Variants in PCNX2 observed in about 807,000 individuals in gnomAD.
PCNX2 encodes the protein pecanex 2, also known as pecanex-like protein 2.
Under a neutral mutation model 223.8 loss-of-function variants are expected in PCNX2, and 168 were observed. That is an observed-to-expected ratio of 0.75 (90% confidence interval 0.66 to 0.85). PCNX2 has a LOEUF of 0.85. PCNX2 is among the 40% of genes least tolerant of loss of function. The pLI is 0.00. For missense variants in PCNX2, 2,507 were observed against 2,675.5 expected (o/e 0.94, Z 1.39); for synonymous variants, 1,006 against 1,052.6 (o/e 0.96, Z 0.86).
In PCNX2 at chr1:233,262,287, A is replaced by G. The variant is rs1660096234; in HGVS notation, c.360-122T>C. 1.0e-5 allele frequency: 13 copies of G among 1,265,910 alleles called. No homozygotes were observed. In the South Asian group the frequency reaches 1.7e-4, roughly 17 times the overall value. 78.4% of individuals were successfully genotyped at this position (1,265,910 alleles called of 1,614,324 possible). ...CCATTTTGTTATATTCCTTACATAT[A>G]AATCTTTTTTTGTTGTTGTTAAGAG... On this transcript the variant is annotated intron_variant, in intron 2 of 33. Coordinates refer to ENST00000258229, the MANE Select transcript of PCNX2 (RefSeq NM_014801.4).
chr1:233,211,718 A>G (rs748679066), intron 12 of PCNX2: 239 of 946,462 alleles, frequency 2.5e-4, no homozygotes, highest in Non-Finnish European at 2.8e-4. Context: ...GGAGGCATGC[A>G]TGTGGCACTG....
chr1:233,048,687 C>T (rs1671900159), intron 25 of PCNX2, among the ~76,000 whole-genome samples: 1 of 151,964 alleles, frequency 6.6e-6, no homozygotes, highest in Admixed American at 6.6e-5. Flanking sequence ...ATTGAGACCC[C>T]AAAATCCATA....
rs1672699614 is a variant in PCNX2, at chr1:233,068,149, GA to G, written c.4077-10860del. 2.0e-5 allele frequency among the ~76,000 whole-genome samples: 3 copies of G among 152,288 alleles called. No homozygotes were observed. In the South Asian group the frequency reaches 6.2e-4, roughly 32 times the overall value. ...TATTAGAAACCATAGAGGTCAGGAAGAAATAGCACAATATGTTTTTAAGTGC... is the reference window on the plus strand; with the variant it reads ...TATTAGAAACCATAGAGGTCAGGAAGAATAGCACAATATGTTTTTAAGTGC... On this transcript the variant is annotated intron_variant, in intron 23 of 33. Transcript: ENST00000258229.
intron 21 of PCNX2, among the ~76,000 whole-genome samples, chr1:233,123,344 G>A (rs1026714660): frequency 1.2e-4 from 18 of 152,152 alleles, no homozygotes; most frequent in African/African-American, 3.1e-4. Context: ...CACTTTGGGA[G>A]GCCGAGGTGG....
intron 9 of PCNX2, among the ~76,000 whole-genome samples, chr1:233,232,096 T>A (rs1658096934): frequency 6.6e-6 from 1 of 152,200 alleles, no homozygotes; most frequent in Admixed American, 6.5e-5. Context: ...ATAAAACATA[T>A]TTTTTTAAAA....
chr1:232,986,148 T>A lies in PCNX2; in HGVS notation c.6184A>T (p.Ser2062Cys), dbSNP rs766021433. 2 of 1,570,932 alleles carry A rather than the reference T, an allele frequency of 1.3e-6. No individual in the cohort carries two copies. Among genetic ancestry groups the A allele is most frequent in the South Asian group, 1.2e-5 (1 of 85,394 alleles). Reference protein sequence around the residue: ...GGNTSDTQSSSSVNIVMGPSA... With the variant: ...GGNTSDTQSSCSVNIVMGPSA... ...GGGCCCATCACGATGTTGACGCTGC[T>A]GGATGACTGGGTGTCACTGGTATTG... Residue 2062 changes from serine to cysteine, a missense_variant, in exon 33 of 34, where the codon AGC becomes TGC. This residue lies in a region of PCNX2 where 1,372 missense variants were observed against 1,509.4 expected (regional missense o/e 0.91). Transcript: ENST00000258229.
chr1:233,204,109 T>C (rs1681304036), intron 13 of PCNX2, among the ~76,000 whole-genome samples: 1 of 152,172 alleles, frequency 6.6e-6, no homozygotes, highest in South Asian at 2.1e-4. Flanking sequence ...TCTTTGCAGA[T>C]TATTGAGTTA....
chr1:233,225,770 C>A (rs1182029733), intron 10 of PCNX2, among the ~76,000 whole-genome samples: 3 of 152,068 alleles, frequency 2.0e-5, no homozygotes, highest in African/African-American at 7.2e-5. Flanking sequence ...TCAATAATTT[C>A]TTTTTAACAG....
At chr1:233,219,766 A>T (rs1027483078) in intron 10 of PCNX2, among the ~76,000 whole-genome samples, 1 of 152,122 alleles carries the variant, frequency 6.6e-6, no homozygotes, top group African/African-American at 2.4e-5. Context: ...TCAACTGATG[A>T]ACCAACATTA....
chr1:233,120,960 T>C (rs971971395), intron 21 of PCNX2, among the ~76,000 whole-genome samples: 2 of 151,952 alleles, frequency 1.3e-5, no homozygotes, highest in African/African-American at 4.8e-5. Flanking sequence ...CAGGAACTAA[T>C]AAGTCAGCAT....
At chr1:233,185,356 GGT>G (rs1437802548) in intron 15 of PCNX2, among the ~76,000 whole-genome samples, 1 of 152,060 alleles carries the variant, frequency 6.6e-6, no homozygotes, top group Non-Finnish European at 1.5e-5. Flanking sequence ...TGCCCAAGGT[GGT>G]AAGACCAGTA....
Position 233,258,803 on chromosome 1 carries a change from C to G in PCNX2, c.1059G>C (p.Glu353Asp). 1.2e-6 allele frequency: 2 copies of G among 1,613,926 alleles called. No homozygotes were observed. Among genetic ancestry groups the G allele is most frequent in the Non-Finnish European group, 8.5e-7 (1 of 1,179,890 alleles). ...AAGTATCGATGAGAGTAACAGCTAC[C>G]TCACTATCTGAGGAGTCCACTTCCT... ...LHQEVDSSDS[E>D]VAVTLIDTSQ... Residue 353 changes from glutamate (E) to aspartate (D), a missense_variant, in exon 5 of 34, where the codon GAG (glutamate) becomes GAC (aspartate). Glu to Asp is a conservative substitution (Grantham distance 45). Around this residue, in one of 3 missense-constraint regions of PCNX2, gnomAD observed 1,031 missense variants for 1,021.7 expected, o/e 1.01. Coordinates refer to ENST00000258229, the MANE Select transcript of PCNX2 (RefSeq NM_014801.4).
chr1:233,177,362 G>A (rs1431933799), intron 17 of PCNX2, among the ~76,000 whole-genome samples: 1 of 151,918 alleles, frequency 6.6e-6, no homozygotes, highest in Non-Finnish European at 1.5e-5. Context: ...CTCTACCTTT[G>A]CCTCTTCTAA....
At chr1:233,195,452 G>C (rs1680673542) in intron 15 of PCNX2, among the ~76,000 whole-genome samples, 1 of 152,138 alleles carries the variant, frequency 6.6e-6, no homozygotes, top group South Asian at 2.1e-4. Flanking sequence ...GGAGGTCCTA[G>C]CCACTGCAAT....
intron 23 of PCNX2, among the ~76,000 whole-genome samples, chr1:233,071,965 A>G (rs979666855): frequency 6.6e-6 from 1 of 152,226 alleles, no homozygotes; most frequent in African/African-American, 2.4e-5. Context: ...GTGTCTGTTC[A>G]TGTCCTTTGC....
chr1:233,011,120 C>T (rs2102811956), intron 28 of PCNX2, among the ~76,000 whole-genome samples: 1 of 152,222 alleles, frequency 6.6e-6, no homozygotes, highest in East Asian at 1.9e-4. Flanking sequence ...CAATTATGAG[C>T]CATTCTTACT....
At chr1:233,316,579 T>A in the PCNX2 span, among the ~76,000 whole-genome samples, 1 of 152,222 alleles carries the variant, frequency 6.6e-6, no homozygotes, top group African/African-American at 2.4e-5. Context: ...CCTTCATTTA[T>A]AATTACTCAG....
chr1:233,262,912 G>A (rs747394552), intron 2 of PCNX2, 46 bp downstream of exon 2: 1 of 1,576,766 alleles, frequency 6.3e-7, no homozygotes, highest in East Asian at 2.2e-5. Context: ...TTAATCAAGA[G>A]CAAAACATTT....
At chr1:233,266,312 A>C (rs1436593096) in intron 1 of PCNX2, among the ~76,000 whole-genome samples, 1 of 152,198 alleles carries the variant, frequency 6.6e-6, no homozygotes, top group East Asian at 1.9e-4. Flanking sequence ...GTTCAAGACC[A>C]GCCTAGACAA....
Sources: allele counts gnomAD v4.1 joint callset (sites outside exome capture counted in the v4.1 genomes callset), GRCh38; gene constraint gnomAD v4.1.1; regional missense constraint gnomAD v4.1.1; transcripts MANE v1.5; gene names NCBI Gene and HGNC (gene_info 2026-07-23, HGNC 2026-07-21).